The following L1TD1 variants were observed in gnomAD, a reference collection of about 807,000 sequenced individuals.
L1TD1 encodes LINE1 type transposase domain containing 1, also known as LINE-1 type transposase domain-containing protein 1.
L1TD1 carries 26 observed loss-of-function variants against 25.7 expected under a neutral mutation model. The ratio of observed to expected loss-of-function variants is 1.01; its 90% CI spans 0.74 to 1.40. L1TD1 has a LOEUF of 1.40. Among genes scored for constraint, L1TD1 ranks in the 40% most tolerant of loss-of-function variants. The pLI, the probability that L1TD1 is intolerant of heterozygous loss-of-function variation, is 0.00. For missense variants in L1TD1, 1,130 were observed against 975.0 expected, an observed-to-expected ratio of 1.16 and a Z score of -2.12; for synonymous variants, 421 against 335.6, an observed-to-expected ratio of 1.25 and a Z score of -2.78.
At chr1:62,197,392 A>G (rs1345921668) in intron 2 of L1TD1, among the ~76,000 whole-genome samples, 1 of 94,126 alleles carries the variant, frequency 1.1e-5, no homozygotes, top group Admixed American at 1.2e-4. Flanking sequence ...CTCAAAAAAA[A>G]TAAATTATAT....
In L1TD1 at chr1:62,210,243, G is replaced by C. The variant is rs775522147; in HGVS notation, c.1469G>C (p.Gly490Ala). 1 of 1,614,044 alleles carries C rather than the reference G, an allele frequency of 6.2e-7. No individual in the cohort carries two copies. Among genetic ancestry groups the C allele is most frequent in the Non-Finnish European group, 8.5e-7 (1 of 1,180,016 alleles). ...GAAGAAGGAAAGAGCTCTGAAACAG[G>C]AAAGGTAAAGACTACCTCCCTGACT... ...EEEEGKSSET[G>A]KVKTTSLTEK... Residue 490 changes from glycine to alanine, a missense_variant, in exon 4 of 4, where the codon GGA becomes GCA. Physicochemically the swap from Gly to Ala is moderately conservative, Grantham distance 60. Transcript: ENST00000498273.
At chr1:62,199,447 A>G (rs6587958) in intron 2 of L1TD1, among the ~76,000 whole-genome samples, 117,639 of 150,924 alleles carry the variant, frequency 0.78, 45,956 homozygotes, top group Admixed American at 0.82. Context: ...GCAGTGAGCC[A>G]AGATTGTGCC....
At chr1:62,202,168 C>T (rs1275068061) in intron 2 of L1TD1, among the ~76,000 whole-genome samples, 2 of 152,082 alleles carry the variant, frequency 1.3e-5, no homozygotes, top group South Asian at 2.1e-4. Flanking sequence ...GGCGTGGTGG[C>T]ACATGCCTGT....
chr1:62,206,537 T>C lies in L1TD1; in HGVS notation c.-92T>C, dbSNP rs1489766491. ...ATTTCAGATTGACGTATTTTAAGAT[T>C]TTTTTAACTTCTGAAGTCTAGCAGG... On this transcript the variant is annotated 5_prime_UTR_variant, in exon 3 of 4. Transcript: ENST00000498273. The C allele has an allele frequency of 5.6e-6, 7 of 1,252,242 alleles. No individual in the cohort carries two copies. Among genetic ancestry groups the C allele is most frequent in the Non-Finnish European group, 7.3e-6 (7 of 960,396 alleles). The allele number at this position is 1,252,242 out of a possible 1,614,324, so 77.6% of individuals were successfully genotyped here.
At chr1:62,197,922 C>T (rs766349116) in intron 2 of L1TD1, among the ~76,000 whole-genome samples, 1 of 151,950 alleles carries the variant, frequency 6.6e-6, no homozygotes, top group South Asian at 2.1e-4. Context: ...CTGTAAATTA[C>T]TTGAATGCCC....
At chr1:62,208,813 T>C (rs1180355361) in intron 3 of L1TD1, among the ~76,000 whole-genome samples, 1 of 152,202 alleles carries the variant, frequency 6.6e-6, no homozygotes, top group Non-Finnish European at 1.5e-5. Context: ...TTTTTTTACA[T>C]GTTTTCAAAT....
At chr1:62,197,932 C>G (rs1670574471) in intron 2 of L1TD1, among the ~76,000 whole-genome samples, 1 of 151,910 alleles carries the variant, frequency 6.6e-6, no homozygotes, top group Non-Finnish European at 1.5e-5. Context: ...CTTGAATGCC[C>G]ACTGCTGAGG....
At chr1:62,202,447 C>T (rs1399960673) in intron 2 of L1TD1, among the ~76,000 whole-genome samples, 1 of 151,844 alleles carries the variant, frequency 6.6e-6, no homozygotes, top group African/African-American at 2.4e-5. Context: ...GTCCCCCTTA[C>T]CTCCTGTTGC....
At position 62,210,881 on chromosome 1, in the gene L1TD1, C is replaced by G. The variant is rs568498567; in HGVS notation, c.2107C>G (p.Arg703Gly). The G allele has an allele frequency of 3.9e-6, 6 of 1,551,224 alleles. No individual in the cohort carries two copies. The highest frequency in any genetic ancestry group is 5.2e-6 in the Non-Finnish European group (6 of 1,146,914). The part of the protein sequence containing the change: ...IEERSRSCNI[R>G]LIGIPEKESY... ...GGAGAGATCTAGAAGTTGCAACATT[C>G]GTTTGATAGGAATTCCAGAAAAGGA... Residue 703 changes from arginine (R) to glycine (G), a missense_variant, in exon 4 of 4, where the codon CGT (arginine) becomes GGT (glycine). Transcript: ENST00000498273.
chr1:62,196,908 A>T (rs952259866), intron 2 of L1TD1, among the ~76,000 whole-genome samples: 1 of 151,874 alleles, frequency 6.6e-6, no homozygotes, highest in African/African-American at 2.4e-5. Context: ...GGGGTATTTT[A>T]GAGTGAAACA....
rs1338686074 is a variant in L1TD1 at position 62,205,373 on chromosome 1, TTCTCTCTCTCTCTCTTTCTCTCTCTC to T, written c.-110-1130_-110-1105del. Among the ~76,000 whole-genome samples the T allele has an allele frequency of 4.3e-4, 39 of 90,208 alleles. 1 individual carries two copies. The highest frequency in any genetic ancestry group is 1.4e-3 in the African/African-American group (35 of 25,740). 59.2% of individuals were successfully genotyped at this position (90,208 alleles called of 152,430 possible). ...AAAATAAAACCAACGAAAACTCTCT[TTCTCTCTCTCTCTCTTTCTCTCTCTC>T]TCTCTCTCTCTCTCTCTCTATATAT... is the stretch of plus-strand genomic sequence containing the variant. On this transcript the variant is annotated intron_variant, in intron 2 of 3. Transcript: ENST00000498273.
At position 62,210,289 on chromosome 1, in the gene L1TD1, A is replaced by G; in HGVS notation, c.1515A>G (p.Arg505=). 1.2e-6 allele frequency: 2 copies of G among 1,614,166 alleles called. No homozygotes were observed. The highest frequency in any genetic ancestry group is 1.7e-6 in the Non-Finnish European group (2 of 1,180,030). ...TGACTGAGAAAAAAGCCTCACGTAGACAAAAAGAAATTCCCTTTAGTTATT... is the reference window on the plus strand; with the variant it reads ...TGACTGAGAAAAAAGCCTCACGTAGGCAAAAAGAAATTCCCTTTAGTTATT... The part of the protein sequence containing the change: ...TSLTEKKASR[R]QKEIPFSYLV... Residue 505 remains arginine, a synonymous_variant, in exon 4 of 4, where the codon AGA becomes AGG. Transcript: ENST00000498273.
Position 62,197,397 on chromosome 1 carries a change from TTATA to T in L1TD1, c.-111+902_-111+905del, listed in dbSNP as rs10528649. On this transcript the variant is annotated intron_variant, in intron 2 of 3. Transcript: ENST00000498273. ...GAGACGCCCTCTCAAAAAAAATAAA[TTATA>T]TATATATATATATATATATATATAT... Among the ~76,000 whole-genome samples the T allele has an allele frequency of 5.5e-3, 442 of 80,800 alleles. 8 individuals are homozygous for T. The highest frequency in any genetic ancestry group is 0.012 in the South Asian group (21 of 1,710). The allele number at this position is 80,800 out of a possible 152,430, so 53.0% of individuals were successfully genotyped here. A position where few individuals can be genotyped will look rare whatever the true frequency, so the allele number is the denominator to read the frequency against.
At chr1:62,197,460 T>A (rs1670566960) in intron 2 of L1TD1, among the ~76,000 whole-genome samples, 1 of 147,354 alleles carries the variant, frequency 6.8e-6, no homozygotes, top group African/African-American at 2.5e-5. Context: ...CAATCTTGTT[T>A]AGTAGTAGGT....
At chr1:62,198,846 T>C in intron 2 of L1TD1, among the ~76,000 whole-genome samples, 1 of 135,654 alleles carries the variant, frequency 7.4e-6, no homozygotes, top group East Asian at 2.0e-4. Context: ...CCCTAATCAC[T>C]TTTTTTTTTT....
chr1:62,200,293 C>T (rs1181085956), intron 2 of L1TD1, among the ~76,000 whole-genome samples: 1 of 152,122 alleles, frequency 6.6e-6, no homozygotes, highest in African/African-American at 2.4e-5. Flanking sequence ...TGTCTTGCCT[C>T]AACCTCCCGA....
At chr1:62,205,434 T>C (rs1670723960) in intron 2 of L1TD1, among the ~76,000 whole-genome samples, 1 of 73,666 alleles carries the variant, frequency 1.4e-5, no homozygotes, top group African/African-American at 4.8e-5. Flanking sequence ...TATATATATA[T>C]ATATATATAT....
intron 1 of L1TD1, among the ~76,000 whole-genome samples, chr1:62,195,940 G>C (rs1309712198): frequency 6.6e-6 from 1 of 152,098 alleles, no homozygotes; most frequent in Admixed American, 6.6e-5. Context: ...GGGAGGCCGA[G>C]GCAGGAGAAT....
chr1:62,197,989 CATAG>C (rs1186788701), intron 2 of L1TD1, among the ~76,000 whole-genome samples: 21 of 151,926 alleles, frequency 1.4e-4, no homozygotes, highest in Non-Finnish European at 2.9e-4. Flanking sequence ...GCATGTCACA[CATAG>C]AAGAGTGAGG....
Sources: gnomAD v4.1 joint callset for allele counts (sites outside exome capture counted in the v4.1 genomes callset) on GRCh38, gnomAD v4.1.1 for gene constraint, MANE v1.5 for transcripts, NCBI Gene and HGNC (gene_info 2026-07-23, HGNC 2026-07-21) for gene names.